Variants in MED12L observed in about 807,000 individuals in gnomAD.
MED12L encodes the protein mediator complex subunit 12L.
Under a neutral mutation model 281.3 loss-of-function variants are expected in MED12L, and 60 were observed. That is an observed-to-expected ratio of 0.21 (90% CI 0.17 to 0.26). The LOEUF (loss-of-function observed/expected upper bound fraction) is 0.26. Ranked by LOEUF, MED12L falls within the 10% of genes least tolerant of loss-of-function variation. The pLI, the probability that MED12L is intolerant of heterozygous loss-of-function variation, is 1.00. For missense variants in MED12L, 2,146 were observed against 2,680.9 expected (o/e 0.80, Z 4.41); for synonymous variants, 974 against 987.2 (o/e 0.99, Z 0.25).
chr3:151,414,412 C>T (rs771989062), intron 42 of MED12L, among the ~76,000 whole-genome samples: 2 of 152,114 alleles, frequency 1.3e-5, no homozygotes, highest in African/African-American at 4.8e-5. Context: ...ACTCTCAACT[C>T]GGTATGAGGT....
At chr3:151,390,206 A>C in intron 38 of MED12L, 71 bp downstream of exon 38, 1 of 1,473,724 alleles carries the variant, frequency 6.8e-7, no homozygotes, top group East Asian at 2.3e-5. Flanking sequence ...TTTTAACCTG[A>C]AACCTCCACA....
intron 17 of MED12L, among the ~76,000 whole-genome samples, chr3:151,351,709 G>T (rs530518891): frequency 6.6e-6 from 1 of 152,156 alleles, no homozygotes. Flanking sequence ...CCTTCAGGAG[G>T]TTCGTAATAC....
chr3:151,159,979 A>G lies in MED12L; in HGVS notation c.985A>G (p.Ile329Val), dbSNP rs999326848. The change falls in exon 8 of 45, where the codon ATC (isoleucine) becomes GTC (valine). Residue 329 changes from isoleucine to valine, a missense_variant. Physicochemically the swap from Ile to Val is conservative, Grantham distance 29 (BLOSUM62 3). Coordinates refer to ENST00000687756, the MANE Select transcript of MED12L (RefSeq NM_001393769.1). The stretch of plus-strand genomic sequence containing the variant: ...GATGATAGGACCAAACAACTCGAGT[A>G]TCGGGGCCCCCAGCCCTGGCCCCCC... ...HMMIGPNNSS[I>V]GAPSPGPPGP... 4.2e-5 allele frequency: 68 copies of G among 1,614,084 alleles called. 5 individuals are homozygous for G. The highest frequency in any genetic ancestry group is 2.5e-6 in the Non-Finnish European group (3 of 1,180,040).
chr3:151,179,254 C>T (rs1260598742), intron 11 of MED12L, among the ~76,000 whole-genome samples: 1 of 151,870 alleles, frequency 6.6e-6, no homozygotes, highest in African/African-American at 2.4e-5. Flanking sequence ...GCAGGAGAAT[C>T]GCTTGAACCC....
At chr3:151,154,134 G>T (rs991621379) in intron 5 of MED12L, among the ~76,000 whole-genome samples, 3 of 152,130 alleles carry the variant, frequency 2.0e-5, no homozygotes, top group Middle Eastern at 3.2e-3. Context: ...GTCACTATGT[G>T]TTATTTTCTA....
chr3:151,242,214 C>A (rs1225711057), intron 16 of MED12L, among the ~76,000 whole-genome samples: 10 of 152,260 alleles, frequency 6.6e-5, no homozygotes, highest in Non-Finnish European at 1.3e-4. Flanking sequence ...CCCGCCATTG[C>A]CCAGGCTTGA....
At chr3:151,408,035 T>C (rs1716529005) in intron 39 of MED12L, among the ~76,000 whole-genome samples, 1 of 152,218 alleles carries the variant, frequency 6.6e-6, no homozygotes, top group South Asian at 2.1e-4. Flanking sequence ...TTTTCATCCT[T>C]AATGTCACAC....
chr3:151,425,375 A>G (rs1448165082), intron 43 of MED12L: 3 of 212,862 alleles, frequency 1.4e-5, no homozygotes, highest in Non-Finnish European at 1.9e-5. Context: ...CAGTCAAAAT[A>G]CATCAAAATA....
At chr3:151,170,911 A>G (rs1721344240) in intron 11 of MED12L, among the ~76,000 whole-genome samples, 1 of 152,038 alleles carries the variant, frequency 6.6e-6, no homozygotes, top group Admixed American at 6.6e-5. Flanking sequence ...CTGAAGAGGG[A>G]AGCCTCTCAA....
intron 16 of MED12L, among the ~76,000 whole-genome samples, chr3:151,252,249 T>G (rs1016334817): frequency 6.6e-6 from 1 of 152,204 alleles, no homozygotes; most frequent in Non-Finnish European, 1.5e-5. Context: ...CCTTCTGTAT[T>G]AAATACTGTG....
At chr3:151,194,457 T>G (rs1343381187) in intron 16 of MED12L, among the ~76,000 whole-genome samples, 2 of 152,146 alleles carry the variant, frequency 1.3e-5, no homozygotes, top group Non-Finnish European at 2.9e-5. Context: ...ATACATGCAA[T>G]AATTGAGTAA....
intron 25 of MED12L, 128 bp downstream of exon 25, chr3:151,368,379 G>T (rs956101447): frequency 2.7e-6 from 2 of 728,100 alleles, no homozygotes; most frequent in South Asian, 1.5e-5. Context: ...GGGTGATGAA[G>T]GGTGAGATGA....
intron 11 of MED12L, among the ~76,000 whole-genome samples, chr3:151,167,032 A>G (rs949492025): frequency 7.9e-5 from 12 of 152,144 alleles, no homozygotes; most frequent in Non-Finnish European, 1.6e-4. Context: ...ACATTATAGA[A>G]CATAATCTGC....
At chr3:151,308,337 T>G (rs1340397280) in intron 16 of MED12L, among the ~76,000 whole-genome samples, 1 of 152,094 alleles carries the variant, frequency 6.6e-6, no homozygotes, top group Admixed American at 6.5e-5. Context: ...TTTACTCAAA[T>G]TTTACAACTT....
At chr3:151,201,533 G>T (rs1412206851) in intron 16 of MED12L, among the ~76,000 whole-genome samples, 1 of 152,202 alleles carries the variant, frequency 6.6e-6, no homozygotes, top group Non-Finnish European at 1.5e-5. Flanking sequence ...GCTGGCACTG[G>T]TGTGTTCCTC....
chr3:151,245,343 T>TTA (rs1735175876), intron 16 of MED12L, among the ~76,000 whole-genome samples: 1 of 151,848 alleles, frequency 6.6e-6, no homozygotes, highest in East Asian at 1.9e-4. Flanking sequence ...CCAATATCCT[T>TTA]GATGAACATT....
chr3:151,360,238 C>A (rs1873622), intron 20 of MED12L, among the ~76,000 whole-genome samples: 110,988 of 152,046 alleles, frequency 0.73, 40,856 homozygotes, highest in South Asian at 0.86. Flanking sequence ...AATTTCTTTC[C>A]TTGCTTTTGT....
At chr3:151,086,619 G>C (rs553219112) in intron 1 of MED12L, 179 bp from the exon 2 acceptor site, 2 of 261,476 alleles carry the variant, frequency 7.6e-6, no homozygotes, top group Non-Finnish European at 1.5e-5. Context: ...GGGGGGAGCA[G>C]AGGAGGCAGG....
chr3:151,246,659 A>G (rs1290431673), intron 16 of MED12L, among the ~76,000 whole-genome samples: 2 of 152,252 alleles, frequency 1.3e-5, no homozygotes, highest in Non-Finnish European at 1.5e-5. Flanking sequence ...ACCTACAACC[A>G]TAAAAACCCT....
Sources: gnomAD v4.1 joint callset for allele counts (sites outside exome capture counted in the v4.1 genomes callset) on GRCh38, gnomAD v4.1.1 for gene constraint, MANE v1.5 for transcripts, NCBI Gene and HGNC (gene_info 2026-07-23, HGNC 2026-07-21) for gene names.